PSMD1: variants seen among roughly 807,000 people sequenced by gnomAD.
PSMD1 encodes 26S proteasome non-ATPase regulatory subunit 1.
In PSMD1, 18 loss-of-function variants were observed where a neutral mutation model predicts 119.0. The observed-to-expected ratio is 0.15, with a 90% CI of 0.10 to 0.22. The LOEUF (loss-of-function observed/expected upper bound fraction) is 0.22. Ranked by LOEUF, PSMD1 falls within the 10% of genes least tolerant of loss-of-function variation. PSMD1 has a pLI of 1.00. For missense variants in PSMD1, 702 were observed against 1,158.5 expected (o/e 0.61, Z 5.72); for synonymous variants, 374 against 396.6 (o/e 0.94, Z 0.68).
At chr2:231,112,600 A>T (rs1456451130) in intron 16 of PSMD1, among the ~76,000 whole-genome samples, 2 of 152,186 alleles carry the variant, frequency 1.3e-5, no homozygotes, top group East Asian at 3.9e-4. Context: ...CAGGTCTCTT[A>T]ATTTTTTGCC....
At chr2:231,091,301 T>C (rs927909587) in intron 16 of PSMD1, among the ~76,000 whole-genome samples, 2 of 152,236 alleles carry the variant, frequency 1.3e-5, no homozygotes, top group African/African-American at 2.4e-5. Flanking sequence ...ATAAGTTCCT[T>C]TACATTCCCT....
At chr2:231,067,289 C>T (rs1033065913) in intron 5 of PSMD1, among the ~76,000 whole-genome samples, 178 bp downstream of exon 5, 18 of 152,182 alleles carry the variant, frequency 1.2e-4, no homozygotes, top group Non-Finnish European at 2.1e-4. Flanking sequence ...GTTTTGTGTT[C>T]ATGAAATATC....
chr2:231,124,821 C>T (rs556694761), intron 16 of PSMD1, among the ~76,000 whole-genome samples: 5 of 151,828 alleles, frequency 3.3e-5, no homozygotes, highest in Admixed American at 6.6e-5. Flanking sequence ...GTACAAATCA[C>T]GTTTTTAAAA....
chr2:231,128,544 A>G (rs142649060), intron 16 of PSMD1, among the ~76,000 whole-genome samples: 76 of 152,364 alleles, frequency 5.0e-4, no homozygotes, highest in African/African-American at 1.8e-3. Flanking sequence ...TTGACAAATC[A>G]AAAACAAGCT....
At chr2:231,066,839 A>T in intron 4 of PSMD1, 67 bp from the exon 5 acceptor site, 1 of 1,236,978 alleles carries the variant, frequency 8.1e-7, no homozygotes, top group Non-Finnish European at 1.1e-6. Context: ...TTATAAATAT[A>T]GGCATTGCCC....
intron 17 of PSMD1, chr2:231,139,137 GT>G (rs768302353): frequency 4.3e-4 from 177 of 412,974 alleles, no homozygotes; most frequent in Non-Finnish European, 8.7e-5. Context: ...TTTTTTGTTT[GT>G]TTATTTGTTT....
chr2:231,106,492 C>T (rs890385848), intron 16 of PSMD1, among the ~76,000 whole-genome samples: 1 of 152,048 alleles, frequency 6.6e-6, no homozygotes, highest in Non-Finnish European at 1.5e-5. Flanking sequence ...GGGGCGGGCA[C>T]CTGTAATGCC....
intron 6 of PSMD1, among the ~76,000 whole-genome samples, chr2:231,070,431 A>G (rs1694015720): frequency 6.6e-6 from 1 of 152,108 alleles, no homozygotes; most frequent in Admixed American, 6.5e-5. Flanking sequence ...AAATCCAATA[A>G]TTTAAGGAAA....
intron 16 of PSMD1, among the ~76,000 whole-genome samples, chr2:231,088,915 A>G (rs1452346655): frequency 2.6e-5 from 4 of 152,232 alleles, no homozygotes; most frequent in Admixed American, 2.0e-4. Context: ...AATGCAAAGA[A>G]AAAGTTCTTG....
intron 16 of PSMD1, among the ~76,000 whole-genome samples, chr2:231,101,211 G>T (rs112259432): frequency 2.6e-5 from 4 of 152,260 alleles, no homozygotes; most frequent in African/African-American, 9.6e-5. Flanking sequence ...AGTGATCAAA[G>T]GTTAGTGTCT....
intron 19 of PSMD1, 60 bp from the exon 20 acceptor site, chr2:231,161,280 G>A: frequency 1.7e-6 from 2 of 1,207,886 alleles, no homozygotes; most frequent in East Asian, 2.4e-5. Context: ...CGTTATTATT[G>A]TCCTACTATA....
intron 16 of PSMD1, among the ~76,000 whole-genome samples, chr2:231,137,054 AATAT>A (rs916152904): frequency 4.1e-5 from 6 of 144,886 alleles, no homozygotes; most frequent in African/African-American, 1.5e-4. Context: ...ATAATATATA[AATAT>A]ATATATTTTT....
At chr2:231,082,086 A>G (rs1694321699) in intron 12 of PSMD1, among the ~76,000 whole-genome samples, 2 of 152,042 alleles carry the variant, frequency 1.3e-5, no homozygotes, top group South Asian at 4.1e-4. Flanking sequence ...TTTTTGAGAC[A>G]GTTTCTTGCT....
At chr2:231,153,367 TC>T (rs2125259730) in intron 18 of PSMD1, 196 bp from the exon 19 acceptor site, 1 of 537,928 alleles carries the variant, frequency 1.9e-6, no homozygotes, top group African/African-American at 2.0e-5. Flanking sequence ...GAGCTGGTGC[TC>T]CCACACTAAA....
At chr2:231,057,182 G>C (rs781451722) in intron 1 of PSMD1, 141 bp downstream of exon 1, 7 of 1,082,948 alleles carry the variant, frequency 6.5e-6, no homozygotes, top group Non-Finnish European at 7.5e-6. Context: ...CCACCCCCGG[G>C]CCGGGGGGCT....
intron 16 of PSMD1, among the ~76,000 whole-genome samples, chr2:231,138,410 G>C (rs1574763391): frequency 6.6e-6 from 1 of 152,212 alleles, no homozygotes; most frequent in Non-Finnish European, 1.5e-5. Context: ...TAGGAAAATA[G>C]ATGTAGAGCA....
At chr2:231,090,113 A>G (rs1694551331) in intron 16 of PSMD1, among the ~76,000 whole-genome samples, 1 of 152,230 alleles carries the variant, frequency 6.6e-6, no homozygotes, top group African/African-American at 2.4e-5. Flanking sequence ...TTGGTCCCCC[A>G]TGGGTTCTGA....
At chr2:231,115,646 A>G (rs1410000541) in intron 16 of PSMD1, among the ~76,000 whole-genome samples, 1 of 152,172 alleles carries the variant, frequency 6.6e-6, no homozygotes, top group Non-Finnish European at 1.5e-5. Flanking sequence ...AGCTGGAAGG[A>G]ACCTTAGAGA....
chr2:231,089,001 A>G (rs1240972387), intron 16 of PSMD1, among the ~76,000 whole-genome samples: 2 of 152,234 alleles, frequency 1.3e-5, no homozygotes, highest in Non-Finnish European at 2.9e-5. Context: ...TGATAAGGAA[A>G]AAGTTGTAGT....
Sources: gnomAD v4.1 joint callset for allele counts (sites outside exome capture counted in the v4.1 genomes callset) on GRCh38, gnomAD v4.1.1 for gene constraint, MANE v1.5 for transcripts, NCBI Gene and HGNC (gene_info 2026-07-23, HGNC 2026-07-21) for gene names.